CAPN8: variants seen among roughly 807,000 people sequenced by gnomAD.
CAPN8 encodes the protein calpain 8, also known as calpain-8.
In CAPN8, 87 loss-of-function variants were observed where a neutral mutation model predicts 80.9. The ratio of observed to expected loss-of-function variants is 1.07; its 90% confidence interval spans 0.90 to 1.28. The LOEUF (loss-of-function observed/expected upper bound fraction) is 1.28. CAPN8 is among the 50% of genes most tolerant of loss of function. The pLI is 0.00. For missense variants in CAPN8, 757 were observed against 702.0 expected (o/e 1.08, Z -0.89); for synonymous variants, 299 against 273.8 (o/e 1.09, Z -0.91).
intron 1 of CAPN8, among the ~76,000 whole-genome samples, chr1:223,657,951 C>A (rs1249114577): frequency 6.6e-6 from 1 of 152,082 alleles, no homozygotes; most frequent in Admixed American, 6.5e-5. Flanking sequence ...GACTTCCATA[C>A]CCTTACTCAT....
chr1:223,657,916 C>T (rs1658542436), intron 1 of CAPN8, among the ~76,000 whole-genome samples: 1 of 152,114 alleles, frequency 6.6e-6, no homozygotes, highest in Admixed American at 6.5e-5. Context: ...CATTTGGTAC[C>T]GTTGGCTATT....
intron 17 of CAPN8, 180 bp from the exon 18 acceptor site, chr1:223,545,030 G>A: frequency 1.4e-6 from 2 of 1,409,298 alleles, no homozygotes; most frequent in Non-Finnish European, 1.9e-6. Context: ...TGGCCCCTTT[G>A]CTGTCTGAAC....
At position 223,625,855 on chromosome 1, in the gene CAPN8, T is replaced by G. The variant is rs1196069012; in HGVS notation, c.763A>C (p.Ser255Arg). The part of the protein sequence containing the change: ...SSAAEAEAIT[S>R]QKLVKSHAYS... ...GCATGACTCTTAACCAGCTTCTGGC[T>G]GGTGATGGCTTCGGCTTCGGCTGCA... Residue 255 changes from serine to arginine, a missense_variant, in exon 6 of 21, where the codon AGC (serine) becomes CGC (arginine). Coordinates refer to ENST00000366872, the MANE Select transcript of CAPN8 (RefSeq NM_001143962.2). 6.4e-7 allele frequency: 1 copy of G among 1,551,628 alleles called. No individual in the cohort carries two copies. The highest frequency in any genetic ancestry group is 2.4e-5 in the East Asian group (1 of 40,906).
chr1:223,547,059 A>G (rs1012548718), intron 16 of CAPN8, among the ~76,000 whole-genome samples: 9 of 152,214 alleles, frequency 5.9e-5, no homozygotes, highest in African/African-American at 2.2e-4. Context: ...GATTACAGAC[A>G]TGTGCCATCA....
At position 223,626,988 on chromosome 1, in the gene CAPN8, C is replaced by T. The variant is rs1442144406; in HGVS notation, c.729+1G>A. On this transcript the variant is annotated splice_donor_variant, in intron 5 of 20. Transcript: ENST00000366872. LOFTEE classifies it high-confidence loss of function. Reference sequence around the variant, plus strand: ...GGCAGTAGAGAAGCCATATGCCTCACATCAATGGAGCAGCCCAGCAGAGAC... The same window carrying T: ...GGCAGTAGAGAAGCCATATGCCTCATATCAATGGAGCAGCCCAGCAGAGAC... 6.4e-7 allele frequency: 1 copy of T among 1,551,162 alleles called. No homozygotes were observed. Among genetic ancestry groups the T allele is most frequent in the East Asian group, 2.4e-5 (1 of 40,904 alleles).
chr1:223,642,470 G>C (rs929911769), intron 2 of CAPN8, among the ~76,000 whole-genome samples: 1 of 152,182 alleles, frequency 6.6e-6, no homozygotes, highest in Non-Finnish European at 1.5e-5. Flanking sequence ...GGGCCTCTCA[G>C]ACCTGATAGC....
intron 2 of CAPN8, among the ~76,000 whole-genome samples, chr1:223,652,632 C>T (rs1478681593): frequency 3.3e-5 from 5 of 152,108 alleles, no homozygotes; most frequent in African/African-American, 1.2e-4. Context: ...CCCCTGGCTC[C>T]CCACCCTGAC....
At chr1:223,610,431 G>A (rs1432434096) in intron 11 of CAPN8, among the ~76,000 whole-genome samples, 4 of 152,200 alleles carry the variant, frequency 2.6e-5, no homozygotes, top group African/African-American at 9.7e-5. Context: ...TTCTGGGCAG[G>A]AGAATGCTGG....
intron 2 of CAPN8, among the ~76,000 whole-genome samples, chr1:223,643,327 T>C (rs1007992044): frequency 1.3e-5 from 2 of 152,210 alleles, no homozygotes; most frequent in African/African-American, 4.8e-5. Flanking sequence ...TCCTGAGGTT[T>C]CCAAATATAC....
chr1:223,646,436 C>G (rs1658194998), intron 2 of CAPN8, among the ~76,000 whole-genome samples: 1 of 152,200 alleles, frequency 6.6e-6, no homozygotes, highest in Admixed American at 6.5e-5. Context: ...CCAGAGCTGC[C>G]CTGAAGGTGA....
intron 1 of CAPN8, among the ~76,000 whole-genome samples, chr1:223,662,568 AT>A (rs967184831): frequency 1.4e-4 from 22 of 152,346 alleles, no homozygotes; most frequent in African/African-American, 5.3e-4. Context: ...GATAAAAACA[AT>A]TCTGGTGATG....
intron 2 of CAPN8, among the ~76,000 whole-genome samples, chr1:223,641,871 G>T (rs1658050667): frequency 6.6e-6 from 1 of 152,144 alleles, no homozygotes; most frequent in Non-Finnish European, 1.5e-5. Flanking sequence ...GAGTAAATAG[G>T]CTGTGAAAGT....
At chr1:223,629,715 T>G (rs922586308) in intron 2 of CAPN8, among the ~76,000 whole-genome samples, 1 of 152,220 alleles carries the variant, frequency 6.6e-6, no homozygotes, top group Non-Finnish European at 1.5e-5. Context: ...GAGGTCTCAG[T>G]GTCCTCAAGC....
intron 1 of CAPN8, among the ~76,000 whole-genome samples, chr1:223,662,830 A>G (rs1658682797): frequency 6.6e-6 from 1 of 152,240 alleles, no homozygotes; most frequent in East Asian, 1.9e-4. Flanking sequence ...TAATTTTCTC[A>G]GCATTCAATG....
intron 2 of CAPN8, among the ~76,000 whole-genome samples, chr1:223,639,131 T>A (rs556494898): frequency 6.6e-6 from 1 of 152,164 alleles, no homozygotes; most frequent in Non-Finnish European, 1.5e-5. Flanking sequence ...TCTCAGCTAC[T>A]CGGGAGGCTG....
intron 5 of CAPN8, among the ~76,000 whole-genome samples, chr1:223,626,251 T>C (rs1657573650): frequency 6.6e-6 from 1 of 152,144 alleles, no homozygotes; most frequent in African/African-American, 2.4e-5. Flanking sequence ...AGGTTCTCCC[T>C]GAGTGGACTC....
intron 13 of CAPN8, among the ~76,000 whole-genome samples, chr1:223,555,987 T>C (rs970549570): frequency 4.5e-4 from 69 of 152,334 alleles, no homozygotes; most frequent in African/African-American, 1.5e-3. Flanking sequence ...ACAATCTATA[T>C]GAAAATGCTT....
chr1:223,554,086 T>C (rs1457201624), intron 13 of CAPN8, among the ~76,000 whole-genome samples, 186 bp from the exon 14 acceptor site: 5 of 152,198 alleles, frequency 3.3e-5, no homozygotes, highest in African/African-American at 4.8e-5. Flanking sequence ...CCAGGGAGCT[T>C]ACAGTCCAGC....
At chr1:223,609,841 CT>C (rs1656987920) in intron 11 of CAPN8, among the ~76,000 whole-genome samples, 1 of 152,202 alleles carries the variant, frequency 6.6e-6, no homozygotes, top group Admixed American at 6.5e-5. Flanking sequence ...GAAAACTGCT[CT>C]GCAAAGAGAC....
Sources: gnomAD v4.1 joint callset for allele counts (sites outside exome capture counted in the v4.1 genomes callset) on GRCh38, gnomAD v4.1.1 for gene constraint, MANE v1.5 for transcripts, NCBI Gene and HGNC (gene_info 2026-07-23, HGNC 2026-07-21) for gene names.